DYNC2H1: variants seen among roughly 807,000 people sequenced by gnomAD.
The protein encoded by DYNC2H1 is cytoplasmic dynein 2 heavy chain 1.
In DYNC2H1, 410 loss-of-function variants were observed where a neutral mutation model predicts 570.0. The ratio of observed to expected loss-of-function variants is 0.72; its 90% CI spans 0.66 to 0.78. The LOEUF is 0.78. Among genes scored for constraint, DYNC2H1 ranks in the 30% least tolerant of loss-of-function variants. DYNC2H1 has a pLI of 0.00. For missense variants in DYNC2H1, 4,865 were observed against 5,046.4 expected, an observed-to-expected ratio of 0.96 and a Z score of 1.09; for synonymous variants, 1,688 against 1,677.6, an observed-to-expected ratio of 1.01 and a Z score of -0.15.
chr11:103,356,266 T>C (rs1010476763), intron 82 of DYNC2H1, among the ~76,000 whole-genome samples: 1 of 152,214 alleles, frequency 6.6e-6, no homozygotes, highest in African/African-American at 2.4e-5. Flanking sequence ...AGACAGTTCA[T>C]TGATACAAGT....
At chr11:103,418,833 A>T (rs1943376271) in intron 84 of DYNC2H1, among the ~76,000 whole-genome samples, 1 of 152,148 alleles carries the variant, frequency 6.6e-6, no homozygotes, top group South Asian at 2.1e-4. Flanking sequence ...CAACCCATAG[A>T]TGAGGATATC....
At chr11:103,265,381 A>T (rs1400054571) in intron 70 of DYNC2H1, among the ~76,000 whole-genome samples, 2 of 152,104 alleles carry the variant, frequency 1.3e-5, no homozygotes, top group African/African-American at 4.8e-5. Context: ...GTAAAATTTT[A>T]AAAAACAGAA....
chr11:103,420,825 T>C (rs536799310), intron 84 of DYNC2H1, among the ~76,000 whole-genome samples: 1 of 152,134 alleles, frequency 6.6e-6, no homozygotes, highest in South Asian at 2.1e-4. Context: ...TAAACAAGTA[T>C]GCAAAATAAC....
At chr11:103,318,577 G>T (rs374156963) in intron 80 of DYNC2H1, among the ~76,000 whole-genome samples, 1 of 151,976 alleles carries the variant, frequency 6.6e-6, no homozygotes. Flanking sequence ...GATGATTATG[G>T]GTAATGCTGC....
chr11:103,117,756 T>G lies in DYNC2H1; in HGVS notation c.892T>G (p.Cys298Gly). 1 of 1,613,588 alleles carries G rather than the reference T, an allele frequency of 6.2e-7. No individual in the cohort carries two copies. Among genetic ancestry groups the G allele is most frequent in the South Asian group, 1.1e-5 (1 of 91,042 alleles). ...ISICEQWVIV[C>G]NHLTGQVWQR... ...AATTTGTGAACAGTGGGTGATAGTC[T>G]GTAATCATCTAACAGGTCAGGTGTG... Residue 298 changes from cysteine to glycine, a missense_variant, in exon 6 of 89, where the codon TGT becomes GGT. Cys to Gly is a radical substitution (Grantham distance 159). Coordinates refer to ENST00000375735, the MANE Select transcript of DYNC2H1 (RefSeq NM_001377.3).
intron 13 of DYNC2H1, among the ~76,000 whole-genome samples, chr11:103,132,503 C>T (rs1859329535): frequency 6.6e-6 from 1 of 152,102 alleles, no homozygotes; most frequent in Non-Finnish European, 1.5e-5. Flanking sequence ...TACCTTTTCT[C>T]ATTCAAGTTG....
At position 103,129,049 on chromosome 11, in the gene DYNC2H1, A is replaced by C. The variant is rs368454643; in HGVS notation, c.1953+44A>C. 4.8e-5 allele frequency: 72 copies of C among 1,491,742 alleles called. No homozygotes were observed. The highest frequency in any genetic ancestry group is 6.6e-5 in the Non-Finnish European group (72 of 1,089,752). The allele number at this position is 1,491,742 out of a possible 1,614,324, so 92.4% of individuals were successfully genotyped here. On this transcript the variant is annotated intron_variant, in intron 13 of 88. Transcript: ENST00000375735. The surrounding 1 kb of genome is among the most constrained non-coding windows in gnomAD (Gnocchi z 4.1). Reference sequence around the variant, plus strand: ...TTATTATAATTAGATTTTACATGTGAAGTGTTTAATTCTTAATTTTCCGGT... The same window carrying C: ...TTATTATAATTAGATTTTACATGTGCAGTGTTTAATTCTTAATTTTCCGGT...
At chr11:103,453,641 T>TATATATAC (rs1273661728) in intron 85 of DYNC2H1, among the ~76,000 whole-genome samples, 5 of 93,220 alleles carry the variant, frequency 5.4e-5, no homozygotes, top group South Asian at 4.0e-4. Context: ...TATATATATA[T>TATATATAC]ACACACATTC....
At chr11:103,218,342 A>G (rs1453323256) in intron 55 of DYNC2H1, among the ~76,000 whole-genome samples, 2 of 152,216 alleles carry the variant, frequency 1.3e-5, no homozygotes, top group African/African-American at 2.4e-5. Context: ...CAGCCAAACT[A>G]TGATAGAAAT....
chr11:103,405,797 C>T (rs1028565635), intron 84 of DYNC2H1: 1 of 151,818 alleles, frequency 6.6e-6, no homozygotes, highest in African/African-American at 2.4e-5. Flanking sequence ...GTTCTGATGT[C>T]TTTGTGGGTA....
intron 88 of DYNC2H1, among the ~76,000 whole-genome samples, chr11:103,474,488 C>T (rs12419546): frequency 0.15 from 22,557 of 151,934 alleles, 1,871 homozygotes; most frequent in Admixed American, 0.24. Context: ...ATATGAGTAA[C>T]GTAATAATTT....
chr11:103,165,729 T>G (rs1174111665), intron 30 of DYNC2H1, among the ~76,000 whole-genome samples, 169 bp from the exon 31 acceptor site: 2 of 152,120 alleles, frequency 1.3e-5, no homozygotes, highest in African/African-American at 2.4e-5. Context: ...ACACAATACT[T>G]TTTCTACTAC....
At chr11:103,307,613 C>A in intron 77 of DYNC2H1, 108 bp from the exon 78 acceptor site, 3 of 563,480 alleles carry the variant, frequency 5.3e-6, no homozygotes, top group East Asian at 3.0e-5. Context: ...AGAAATACAT[C>A]AGAATGTCAC....
rs896267168 is a variant in DYNC2H1 at position 103,263,979 on chromosome 11, G to A, written c.10695+4002G>A. On this transcript the variant is annotated intron_variant, in intron 70 of 88. Transcript: ENST00000375735. ...CTAGCAAGACTAATAAAGAAGAAAAGAGAGAAGAATCAAATAGATGCAATA... is the reference window on the plus strand; with the variant it reads ...CTAGCAAGACTAATAAAGAAGAAAAAAGAGAAGAATCAAATAGATGCAATA... Among the ~76,000 whole-genome samples, 5 of 152,054 alleles carry A rather than the reference G, an allele frequency of 3.3e-5. No homozygotes were observed. In the South Asian group the frequency reaches 6.2e-4, roughly 19 times the overall value.
rs180889006 is a variant in DYNC2H1 at position 103,168,170 on chromosome 11, T to C, written c.4763-585T>C. On this transcript the variant is annotated intron_variant, in intron 31 of 88. Transcript: ENST00000375735. ...TACTCTCTTGGGATCACAGCTCCTC[T>C]GGAGTTTTAGGGACTTCTGGGTCCC... is the stretch of plus-strand genomic sequence containing the variant. Among the ~76,000 whole-genome samples, 299 of 152,288 alleles carry C rather than the reference T, an allele frequency of 2.0e-3. 4 individuals carry two copies. The highest frequency in any genetic ancestry group is 7.9e-3 in the East Asian group (41 of 5,178).
rs1292711832 is a variant in DYNC2H1 at position 103,163,746 on chromosome 11, G to A, written c.4611+599G>A. ...CGTTGTTTAATAGTTGGGCCAGACT[G>A]TTACAGGTGTAGGTCATCAGGAACT... On this transcript the variant is annotated intron_variant, in intron 30 of 88. Coordinates refer to ENST00000375735, the MANE Select transcript of DYNC2H1 (RefSeq NM_001377.3). The surrounding 1 kb of genome is among the most constrained non-coding windows in gnomAD (Gnocchi z 4.6). 6.6e-6 allele frequency among the ~76,000 whole-genome samples: 1 copy of A among 152,148 alleles called. No individual in the cohort carries two copies. Among genetic ancestry groups the A allele is most frequent in the Non-Finnish European group, 1.5e-5 (1 of 68,024 alleles).
intron 83 of DYNC2H1, among the ~76,000 whole-genome samples, chr11:103,384,874 A>G (rs1941810301): frequency 1.3e-5 from 2 of 152,150 alleles, no homozygotes; most frequent in Admixed American, 1.3e-4. Flanking sequence ...CTTATAGTGT[A>G]GAAAGTATCT....
chr11:103,357,187 T>C (rs1940391154), intron 82 of DYNC2H1, among the ~76,000 whole-genome samples: 1 of 152,104 alleles, frequency 6.6e-6, no homozygotes, highest in African/African-American at 2.4e-5. Flanking sequence ...AAATGATTAA[T>C]AAGATTCATT....
Position 103,289,931 on chromosome 11 carries a change from G to A in DYNC2H1, c.11095+2326G>A, listed in dbSNP as rs1041559408. On this transcript the variant is annotated intron_variant, in intron 75 of 88. Transcript: ENST00000375735. The surrounding 1 kb of genome is among the most constrained non-coding windows in gnomAD (Gnocchi z 4.2). ...ATGTAAAGACAGACACGCAAGGAGA[G>A]TATAATGTGATTATGAAGGCACAGA... 6.6e-6 allele frequency among the ~76,000 whole-genome samples: 1 copy of A among 152,064 alleles called. No individual in the cohort carries two copies. Among genetic ancestry groups the A allele is most frequent in the African/African-American group, 2.4e-5 (1 of 41,416 alleles).
Sources: gnomAD v4.1 joint callset for allele counts (sites outside exome capture counted in the v4.1 genomes callset) on GRCh38, gnomAD v4.1.1 for gene constraint, Gnocchi (gnomAD v3.1) non-coding constraint, MANE v1.5 for transcripts, NCBI Gene and HGNC (gene_info 2026-07-23, HGNC 2026-07-21) for gene names.